Variants in PCDHGA10 observed in about 807,000 individuals in gnomAD.
The protein encoded by PCDHGA10 is protocadherin gamma-A10.
PCDHGA10 carries 42 observed loss-of-function variants against 59.5 expected under a neutral mutation model. That is an observed-to-expected ratio of 0.71 (90% CI 0.55 to 0.91). The LOEUF (loss-of-function observed/expected upper bound fraction) is 0.91. Among genes scored for constraint, PCDHGA10 ranks in the 40% least tolerant of loss-of-function variants. The pLI is 0.00. For missense variants in PCDHGA10, 1,111 were observed against 1,198.2 expected (o/e 0.93, Z 1.07); for synonymous variants, 511 against 517.2 (o/e 0.99, Z 0.16).
At chr5:141,422,281 T>C in intron 1 of PCDHGA10, 1 of 1,557,044 alleles carries the variant, frequency 6.4e-7, no homozygotes, top group Middle Eastern at 1.7e-4. Context: ...AACTATCACC[T>C]CTTCTATTAA....
chr5:141,482,099 A>AG (rs1423781570), intron 1 of PCDHGA10, among the ~76,000 whole-genome samples: 1 of 151,852 alleles, frequency 6.6e-6, no homozygotes, highest in African/African-American at 2.4e-5. Flanking sequence ...CAAAAAAAAA[A>AG]AAAAAATATC....
chr5:141,502,028 G>A (rs561260963), intron 2 of PCDHGA10, among the ~76,000 whole-genome samples: 62 of 152,150 alleles, frequency 4.1e-4, no homozygotes, highest in African/African-American at 1.5e-3. Flanking sequence ...TGCAACCCCC[G>A]CCGCTTGCCT....
intron 1 of PCDHGA10, among the ~76,000 whole-genome samples, chr5:141,438,591 C>CATATATAT (rs946798767): frequency 3.4e-4 from 26 of 75,528 alleles, no homozygotes; most frequent in Non-Finnish European, 5.4e-4. Flanking sequence ...TACATACATA[C>CATATATAT]ATATATATAT....
At chr5:141,484,362 A>T (rs1460176695) in intron 1 of PCDHGA10, among the ~76,000 whole-genome samples, 1 of 152,196 alleles carries the variant, frequency 6.6e-6, no homozygotes, top group Non-Finnish European at 1.5e-5. Context: ...TATCTAGTGT[A>T]TCACTAGCAA....
chr5:141,436,087 T>C (rs927404291), intron 1 of PCDHGA10, among the ~76,000 whole-genome samples: 1 of 152,198 alleles, frequency 6.6e-6, no homozygotes, highest in Non-Finnish European at 1.5e-5. Flanking sequence ...CTATAGGTAA[T>C]ATTGAGAGAA....
Position 141,477,100 on chromosome 5 carries a change from C to T in PCDHGA10, c.2437-17707C>T, listed in dbSNP as rs970613825. Reference sequence around the variant, plus strand: ...TTTACATCCAGGCCAAAGACAAGGGCGCCAATCCCGAAGGAGCACATTGCA... The same window carrying T: ...TTTACATCCAGGCCAAAGACAAGGGTGCCAATCCCGAAGGAGCACATTGCA... On this transcript the variant is annotated intron_variant, in intron 1 of 3. Transcript: ENST00000398610. The surrounding 1 kb of genome is among the most constrained non-coding windows in gnomAD (Gnocchi z 4.9). 1 of 1,614,098 alleles carries T rather than the reference C, an allele frequency of 6.2e-7. No homozygotes were observed. Among genetic ancestry groups the T allele is most frequent in the African/African-American group, 1.3e-5 (1 of 74,932 alleles).
Position 141,413,189 on chromosome 5 carries a change from G to C in PCDHGA10, c.14G>C (p.Arg5Thr). 7 of 1,606,972 alleles carry C rather than the reference G, an allele frequency of 4.4e-6. No homozygotes were observed. Among genetic ancestry groups the C allele is most frequent in the Non-Finnish European group, 6.0e-6 (7 of 1,175,876 alleles). The change falls in exon 1 of 4, where the codon AGG becomes ACG. Residue 5 changes from arginine (R) to threonine (T), a missense_variant. Transcript: ENST00000398610. ...AACCAGACTACAATGGCCGCTCAAA[G>C]GAATCGCTCAAAGGAATCAAAGGAT... Reference protein sequence around the residue: MAAQRNRSKESKDCS... With the variant: MAAQTNRSKESKDCS...
In PCDHGA10 at chr5:141,431,616, A is replaced by G. The variant is rs776151297; in HGVS notation, c.2436+16005A>G. 1 of 1,614,250 alleles carries G rather than the reference A, an allele frequency of 6.2e-7. No individual in the cohort carries two copies. Among genetic ancestry groups the G allele is most frequent in the Non-Finnish European group, 8.5e-7 (1 of 1,180,042 alleles). ...AGGTATTCCTTCCGGTATGTGGACG[A>G]CAAGGCGGCCCAAGTTTTCAAACTA... On this transcript the variant is annotated intron_variant, in intron 1 of 3. Transcript: ENST00000398610. This position sits in a 1 kb window ranked among gnomAD's most constrained non-coding sequence, Gnocchi z 4.8.
At position 141,431,245 on chromosome 5, in the gene PCDHGA10, C is replaced by A. The variant is rs761126985; in HGVS notation, c.2436+15634C>A. The A allele has an allele frequency of 5.0e-6, 8 of 1,614,016 alleles. No individual in the cohort carries two copies. In the Admixed American group the frequency reaches 1.2e-4, roughly 24 times the overall value. On this transcript the variant is annotated intron_variant, in intron 1 of 3. Coordinates refer to ENST00000398610, the MANE Select transcript of PCDHGA10 (RefSeq NM_018913.3). This position sits in a 1 kb window ranked among gnomAD's most constrained non-coding sequence, Gnocchi z 4.8. ...TACCCCACGCCTGGGATCCGGATAT[C>A]GGGAAGAACTCTCTGCAGAGCTACG... is the stretch of plus-strand genomic sequence containing the variant.
chr5:141,449,837 TAATTA>T (rs1054425190), intron 1 of PCDHGA10, among the ~76,000 whole-genome samples: 11 of 151,856 alleles, frequency 7.2e-5, no homozygotes, highest in Middle Eastern at 3.4e-3. Context: ...TTCTTTTATA[TAATTA>T]AATTTTAATA....
chr5:141,426,307 A>G (rs958090236), intron 1 of PCDHGA10: 2 of 172,782 alleles, frequency 1.2e-5, no homozygotes, highest in African/African-American at 4.7e-5. Context: ...GGTGAAGCAG[A>G]GAAGCAGGAC....
intron 3 of PCDHGA10, among the ~76,000 whole-genome samples, chr5:141,510,089 C>G (rs2099879446): frequency 6.6e-6 from 1 of 152,136 alleles, no homozygotes; most frequent in African/African-American, 2.4e-5. Flanking sequence ...GCCTGGCACA[C>G]AGTAGGTGCT....
intron 1 of PCDHGA10, among the ~76,000 whole-genome samples, chr5:141,456,854 T>C (rs924765803): frequency 7.2e-5 from 11 of 151,950 alleles, no homozygotes; most frequent in Non-Finnish European, 1.3e-4. Context: ...TCCCAGCTAA[T>C]TGGGAGGCTG....
intron 2 of PCDHGA10, among the ~76,000 whole-genome samples, chr5:141,495,430 C>A (rs1189953474): frequency 6.6e-6 from 1 of 152,220 alleles, no homozygotes; most frequent in Non-Finnish European, 1.5e-5. Context: ...TCCCACTGTC[C>A]TCTGCCCCTA....
intron 1 of PCDHGA10, among the ~76,000 whole-genome samples, chr5:141,444,359 C>T (rs942218966): frequency 7.9e-5 from 12 of 151,582 alleles, no homozygotes; most frequent in East Asian, 7.7e-4. Context: ...TTAGTAGAGA[C>T]GGGGTTTCTC....
intron 1 of PCDHGA10, chr5:141,422,764 G>A: frequency 1.2e-6 from 2 of 1,613,582 alleles, no homozygotes; most frequent in Non-Finnish European, 8.5e-7. Flanking sequence ...CTCCAACACT[G>A]GTGTTCTCTA....
chr5:141,488,196 TA>T, intron 1 of PCDHGA10, among the ~76,000 whole-genome samples: 1 of 152,186 alleles, frequency 6.6e-6, no homozygotes, highest in Non-Finnish European at 1.5e-5. Context: ...GTCTGGGTCT[TA>T]GGACTCATAT....
At chr5:141,417,784 G>T in intron 1 of PCDHGA10, 2 of 1,474,908 alleles carry the variant, frequency 1.4e-6, no homozygotes, top group Non-Finnish European at 9.0e-7. Context: ...GTCCTGGGCC[G>T]AATGCTCTTT....
At chr5:141,482,606 T>G (rs2099569173) in intron 1 of PCDHGA10, among the ~76,000 whole-genome samples, 1 of 146,712 alleles carries the variant, frequency 6.8e-6, no homozygotes, top group African/African-American at 2.6e-5. Context: ...AAAAAACACC[T>G]AAATGAGCCT....
Sources: gnomAD v4.1 joint callset for allele counts (sites outside exome capture counted in the v4.1 genomes callset) on GRCh38, gnomAD v4.1.1 for gene constraint, Gnocchi (gnomAD v3.1) non-coding constraint, MANE v1.5 for transcripts, NCBI Gene and HGNC (gene_info 2026-07-23, HGNC 2026-07-21) for gene names.